The following PTH2R variants were observed in gnomAD, a reference collection of about 807,000 sequenced individuals.
PTH2R encodes PTH2 receptor.
A neutral mutation model predicts 60.3 loss-of-function variants in PTH2R; 59 were observed. That is an observed-to-expected ratio of 0.98 (90% CI 0.79 to 1.22). PTH2R has a LOEUF of 1.22. Ranked by LOEUF, PTH2R falls within the 50% of genes most tolerant of loss-of-function variation. The pLI is 0.00. For synonymous variants in PTH2R, 256 were observed against 243.8 expected (o/e 1.05, Z -0.47); for missense variants, 749 against 682.6 (o/e 1.10, Z -1.08).
intron 1 of PTH2R, among the ~76,000 whole-genome samples, chr2:208,362,493 T>C (rs1700495054): frequency 6.6e-6 from 1 of 152,220 alleles, no homozygotes; most frequent in Non-Finnish European, 1.5e-5. Flanking sequence ...TCATCTAATA[T>C]AGATGTCTCA....
chr2:208,408,740 A>AAGAGAGAGAGAGAGAG (rs56107941), intron 1 of PTH2R, among the ~76,000 whole-genome samples: 3 of 123,356 alleles, frequency 2.4e-5, no homozygotes, highest in African/African-American at 1.2e-4. Context: ...GAGAGAGAGA[A>AAGAGAGAGAGAGAGAG]AGAGAGAGAG....
intron 4 of PTH2R, among the ~76,000 whole-genome samples, chr2:208,438,506 T>A (rs1702122293): frequency 6.6e-6 from 1 of 152,202 alleles, no homozygotes; most frequent in South Asian, 2.1e-4. Context: ...ATGTCCCAAT[T>A]TCACATCAGT....
chr2:208,447,027 T>G (rs192629551), intron 7 of PTH2R, among the ~76,000 whole-genome samples: 1 of 152,322 alleles, frequency 6.6e-6, no homozygotes, highest in Admixed American at 6.5e-5. Flanking sequence ...CTTTAAGCTC[T>G]TTTCAGCTAG....
chr2:208,403,891 G>A (rs1040466711), upstream of PTH2R, among the ~76,000 whole-genome samples: 1 of 152,210 alleles, frequency 6.6e-6, no homozygotes, highest in Non-Finnish European at 1.5e-5. Flanking sequence ...CTTCCTCACA[G>A]CATGGTGGCT....
At chr2:208,420,240 C>A (rs892838656) in intron 1 of PTH2R, among the ~76,000 whole-genome samples, 3 of 150,426 alleles carry the variant, frequency 2.0e-5, no homozygotes, top group African/African-American at 7.4e-5. Context: ...ACATATGTAA[C>A]AAACCTGCAC....
chr2:208,454,749 A>T (rs966007419), intron 8 of PTH2R, among the ~76,000 whole-genome samples: 5 of 152,248 alleles, frequency 3.3e-5, no homozygotes, highest in African/African-American at 4.8e-5. Context: ...TTAATAGAGA[A>T]CAATTTAATA....
At chr2:208,409,460 G>A (rs1701495360) in intron 1 of PTH2R, among the ~76,000 whole-genome samples, 1 of 152,126 alleles carries the variant, frequency 6.6e-6, no homozygotes, top group African/African-American at 2.4e-5. Flanking sequence ...GAGAGACAAG[G>A]TATTTATGAA....
chr2:208,373,476 G>C (rs571466739), intron 1 of PTH2R, among the ~76,000 whole-genome samples: 1 of 152,188 alleles, frequency 6.6e-6, no homozygotes, highest in East Asian at 1.9e-4. Context: ...AAAAATATGT[G>C]TGCCAGGGTG....
At chr2:208,388,874 T>C (rs547608573) in intron 1 of PTH2R, among the ~76,000 whole-genome samples, 1 of 152,300 alleles carries the variant, frequency 6.6e-6, no homozygotes, top group East Asian at 1.9e-4. Flanking sequence ...AGCTAGCGCT[T>C]ACAGCAGGGG....
chr2:208,466,814 C>T (rs1006674466), intron 9 of PTH2R, among the ~76,000 whole-genome samples: 1 of 152,090 alleles, frequency 6.6e-6, no homozygotes, highest in Non-Finnish European at 1.5e-5. Flanking sequence ...ATAAATATTG[C>T]AAATATTTTC....
At chr2:208,453,782 C>T (rs1702455811) in intron 8 of PTH2R, among the ~76,000 whole-genome samples, 1 of 152,134 alleles carries the variant, frequency 6.6e-6, no homozygotes, top group East Asian at 1.9e-4. Flanking sequence ...ATATTCTTGG[C>T]CATGACTAAT....
At chr2:208,454,243 C>A (rs769058208) in intron 8 of PTH2R, among the ~76,000 whole-genome samples, 3 of 152,014 alleles carry the variant, frequency 2.0e-5, no homozygotes, top group Non-Finnish European at 4.4e-5. Flanking sequence ...CAGGTAACTG[C>A]GCTTTGCTCT....
chr2:208,479,625 C>T (rs1703099529), intron 9 of PTH2R, among the ~76,000 whole-genome samples: 1 of 152,180 alleles, frequency 6.6e-6, no homozygotes, highest in African/African-American at 2.4e-5. Context: ...CTTATTAAAA[C>T]AAAATCTATC....
chr2:208,493,428 C>A lies in PTH2R; in HGVS notation c.1422C>A (p.Ile474=). 6.2e-7 allele frequency: 1 copy of A among 1,610,576 alleles called. No individual in the cohort carries two copies. Among genetic ancestry groups the A allele is most frequent in the Non-Finnish European group, 8.5e-7 (1 of 1,177,778 alleles). ...QVAASTRMVL[I]SGKAAKIASR... ...CGGCCAGCACACGCATGGTGCTTAT[C>A]TCTGGCAAAGCTGCCAAGATCGCCA... Residue 474 remains isoleucine (I), a synonymous_variant, in exon 13 of 13, where the codon ATC becomes ATA. Coordinates refer to ENST00000272847, the MANE Select transcript of PTH2R (RefSeq NM_005048.4).
chr2:208,371,832 G>A (rs1363822934), intron 1 of PTH2R, among the ~76,000 whole-genome samples: 1 of 152,096 alleles, frequency 6.6e-6, no homozygotes, highest in Non-Finnish European at 1.5e-5. Flanking sequence ...AGGACAAGAT[G>A]TCAGTTTTGC....
At chr2:208,435,238 A>G (rs1702050894) in intron 2 of PTH2R, among the ~76,000 whole-genome samples, 1 of 152,220 alleles carries the variant, frequency 6.6e-6, no homozygotes, top group African/African-American at 2.4e-5. Flanking sequence ...CAGTTAGTGT[A>G]ACTGGTAACT....
chr2:208,490,914 G>A (rs1703390203), intron 12 of PTH2R, among the ~76,000 whole-genome samples: 1 of 152,162 alleles, frequency 6.6e-6, no homozygotes, highest in African/African-American at 2.4e-5. Context: ...ACATTAAAAA[G>A]CAACTTGTTG....
intron 9 of PTH2R, among the ~76,000 whole-genome samples, chr2:208,460,913 T>G (rs1383959255): frequency 1.3e-5 from 2 of 152,186 alleles, no homozygotes; most frequent in African/African-American, 4.8e-5. Flanking sequence ...TTGTTTTCTT[T>G]TGGACAATGT....
intron 1 of PTH2R, among the ~76,000 whole-genome samples, chr2:208,422,976 C>T (rs912785525): frequency 8.6e-5 from 13 of 151,952 alleles, no homozygotes; most frequent in Admixed American, 2.0e-4. Flanking sequence ...GTGTATTCTT[C>T]CTTTTTTTTC....
Sources: gnomAD v4.1 joint callset for allele counts (sites outside exome capture counted in the v4.1 genomes callset) on GRCh38, gnomAD v4.1.1 for gene constraint, MANE v1.5 for transcripts, NCBI Gene and HGNC (gene_info 2026-07-23, HGNC 2026-07-21) for gene names.